Variants in LOXHD1 observed in about 807,000 individuals in gnomAD.
The protein encoded by LOXHD1 is lipoxygenase homology domain-containing protein 1.
LOXHD1 carries 205 observed loss-of-function variants against 248.2 expected under a neutral mutation model. The observed-to-expected ratio is 0.83, with a 90% confidence interval of 0.74 to 0.93. The LOEUF (loss-of-function observed/expected upper bound fraction) is 0.93, where lower values mean the gene tolerates loss of function less well. Among genes scored for constraint, LOXHD1 ranks in the 40% least tolerant of loss-of-function variants. The pLI is 0.00. For synonymous variants in LOXHD1, 1,113 were observed against 1,162.8 expected (o/e 0.96, Z 0.87); for missense variants, 2,930 against 2,971.6 (o/e 0.99, Z 0.33).
chr18:46,640,037 C>T (rs1025627651), intron 3 of LOXHD1, among the ~76,000 whole-genome samples: 1 of 152,150 alleles, frequency 6.6e-6, no homozygotes. Context: ...TTAACTATCG[C>T]CTTTCACAGA....
intron 4 of LOXHD1, among the ~76,000 whole-genome samples, chr18:46,628,752 G>A (rs1236742194): frequency 6.6e-6 from 1 of 152,222 alleles, no homozygotes; most frequent in Non-Finnish European, 1.5e-5. Context: ...CCACGCTATT[G>A]TGTCATTTAC....
chr18:46,509,526 C>T, intron 35 of LOXHD1, 172 bp downstream of exon 35: 2 of 672,202 alleles, frequency 3.0e-6, no homozygotes, highest in Non-Finnish European at 5.5e-6. Context: ...AATAAAACGA[C>T]ATTCTCTGAT....
chr18:46,496,655 T>C (rs1272210938), intron 37 of LOXHD1, among the ~76,000 whole-genome samples: 1 of 152,232 alleles, frequency 6.6e-6, no homozygotes, highest in Non-Finnish European at 1.5e-5. Context: ...ACACAAAACC[T>C]GGACTTCTGT....
At position 46,579,618 on chromosome 18, in the gene LOXHD1, G is replaced by A; in HGVS notation, c.1809+12C>T. 1 of 1,551,668 alleles carries A rather than the reference G, an allele frequency of 6.4e-7. No homozygotes were observed. The highest frequency in any genetic ancestry group is 8.7e-7 in the Non-Finnish European group (1 of 1,146,958). ...AGGAAGGGGATGAGTGGGGCACATT[G>A]CTGTAACTTACATTGCCCTTTTCAA... On this transcript the variant is annotated intron_variant, in intron 13 of 40. Transcript: ENST00000642948.
At chr18:46,579,912 T>G (rs1308053705) in intron 12 of LOXHD1, 128 bp from the exon 13 acceptor site, 2 of 1,118,420 alleles carry the variant, frequency 1.8e-6, no homozygotes, top group African/African-American at 3.1e-5. Context: ...ACCTTCCCCC[T>G]TCCTCCCAAC....
In LOXHD1 at chr18:46,521,324, C is replaced by G. The variant is rs1442026771; in HGVS notation, c.5086-42G>C. 7.7e-6 allele frequency: 12 copies of G among 1,549,776 alleles called. No homozygotes were observed. In the African/African-American group the frequency reaches 1.5e-4, roughly 19 times the overall value. The stretch of plus-strand genomic sequence containing the variant: ...CTGATCTGTGACGATCTGGGCACAA[C>G]TGGGAAGGAAGTGCTCCCTGCCCAG... On this transcript the variant is annotated intron_variant, in intron 32 of 40. Transcript: ENST00000642948.
chr18:46,567,799 C>T (rs188683205), intron 16 of LOXHD1, among the ~76,000 whole-genome samples: 8 of 152,294 alleles, frequency 5.3e-5, no homozygotes, highest in African/African-American at 1.9e-4. Flanking sequence ...TTACATATGG[C>T]AGGTAAGTGG....
At chr18:46,520,824 G>A (rs1598905737) in intron 33 of LOXHD1, 1 of 439,860 alleles carries the variant, frequency 2.3e-6, no homozygotes. Flanking sequence ...CAGGCCATGA[G>A]TAGCAGGGAT....
At chr18:46,646,083 A>ATG (rs1221385053) in intron 2 of LOXHD1, among the ~76,000 whole-genome samples, 1 of 152,180 alleles carries the variant, frequency 6.6e-6, no homozygotes, top group Non-Finnish European at 1.5e-5. Context: ...ACAAATATGC[A>ATG]TGTGTGTGTG....
At position 46,538,161 on chromosome 18, in the gene LOXHD1, C is replaced by A. The variant is rs144935513; in HGVS notation, c.4090G>T (p.Val1364Leu). The change falls in exon 26 of 41, where the codon GTA becomes TTA. Residue 1364 changes from valine to leucine, a missense_variant. Coordinates refer to ENST00000642948, the MANE Select transcript of LOXHD1 (RefSeq NM_001384474.1). ...AGCCTGCTGAGCCCAAGTACCTCTACGATGAAGCGGGAGGCAGACTTCCTC... is the reference window on the plus strand; with the variant it reads ...AGCCTGCTGAGCCCAAGTACCTCTAAGATGAAGCGGGAGGCAGACTTCCTC... The part of the protein sequence containing the change: ...FERKSASRFI[V>L]ELEDVGEIIE... 1.6e-5 allele frequency: 25 copies of A among 1,531,776 alleles called. No individual in the cohort carries two copies. The African/African-American group carries it at 3.0e-4, about 18-fold the overall frequency. 94.9% of individuals were successfully genotyped at this position (1,531,776 alleles called of 1,614,324 possible).
chr18:46,486,290 C>A (rs537519385), intron 38 of LOXHD1, among the ~76,000 whole-genome samples: 1 of 152,206 alleles, frequency 6.6e-6, no homozygotes, highest in East Asian at 1.9e-4. Context: ...TGTTTCTGTG[C>A]CTTTATCTCA....
intron 32 of LOXHD1, 150 bp from the exon 33 acceptor site, chr18:46,521,432 A>T (rs1320141379): frequency 3.5e-6 from 3 of 860,474 alleles, no homozygotes; most frequent in Non-Finnish European, 5.4e-6. Flanking sequence ...GATTTTGCAG[A>T]TATAATTACA....
At position 46,559,477 on chromosome 18, in the gene LOXHD1, C is replaced by T. The variant is rs1568184011; in HGVS notation, c.3187G>A (p.Asp1063Asn). Residue 1063 changes from aspartate (D) to asparagine (N), a missense_variant, in exon 20 of 41, where the codon GAC (aspartate) becomes AAC (asparagine). Asp to Asn is a conservative substitution (Grantham distance 23, BLOSUM62 1). Transcript: ENST00000642948. ...DTGERPLKKS[D>N]KSNKFEQGQT... is the part of the protein sequence containing the mutation. ...CCCTGCTCAAATTTGTTGGACTTGT[C>T]TGACTTCTTCAGGGGTCGTTCGCCC... 1 of 1,552,006 alleles carries T rather than the reference C, an allele frequency of 6.4e-7. No homozygotes were observed. The highest frequency in any genetic ancestry group is 1.4e-5 in the African/African-American group (1 of 73,040).
chr18:46,511,354 C>T (rs927363660), intron 34 of LOXHD1, among the ~76,000 whole-genome samples: 3 of 152,208 alleles, frequency 2.0e-5, no homozygotes, highest in Admixed American at 6.5e-5. Flanking sequence ...AGGCCTTCTG[C>T]CCCTGGTTCA....
At chr18:46,596,982 G>T (rs113848043) in intron 8 of LOXHD1, among the ~76,000 whole-genome samples, 8,214 of 152,276 alleles carry the variant, frequency 0.054, 276 homozygotes, top group Non-Finnish European at 0.08. Context: ...ATTGACACCA[G>T]AAATAAGGTC....
chr18:46,484,966 T>C, intron 39 of LOXHD1, 53 bp downstream of exon 39: 1 of 1,530,490 alleles, frequency 6.5e-7, no homozygotes. Flanking sequence ...ATTCTCGGGG[T>C]CCTCCCTTAC....
At chr18:46,560,051 C>CA in intron 19 of LOXHD1, 32 bp downstream of exon 19, 54 of 1,310,664 alleles carry the variant, frequency 4.1e-5, no homozygotes, top group Non-Finnish European at 5.0e-5. Flanking sequence ...TGGCCACTCC[C>CA]TCCCCACCCC....
chr18:46,592,975 A>G (rs1226120202), intron 10 of LOXHD1, among the ~76,000 whole-genome samples: 1 of 152,204 alleles, frequency 6.6e-6, no homozygotes, highest in Non-Finnish European at 1.5e-5. Context: ...AAAAAGATCA[A>G]CAAGCAGTCA....
At position 46,613,650 on chromosome 18, in the gene LOXHD1, C is replaced by T. The variant is rs563201674; in HGVS notation, c.611-2726G>A. On this transcript the variant is annotated intron_variant, in intron 5 of 40. Transcript: ENST00000642948. Reference sequence around the variant, plus strand: ...TTTGTTTCTGACTTTAAAAAGAGTGCTTTCAAGTTTTCAAAATTAAGCATG... The same window carrying T: ...TTTGTTTCTGACTTTAAAAAGAGTGTTTTCAAGTTTTCAAAATTAAGCATG... Among the ~76,000 whole-genome samples, 46 of 152,150 alleles carry T rather than the reference C, an allele frequency of 3.0e-4. No homozygotes were observed. In the South Asian group the frequency reaches 3.1e-3, roughly 10 times the overall value.
Sources: gnomAD v4.1 joint callset for allele counts (sites outside exome capture counted in the v4.1 genomes callset) on GRCh38, gnomAD v4.1.1 for gene constraint, MANE v1.5 for transcripts, NCBI Gene and HGNC (gene_info 2026-07-23, HGNC 2026-07-21) for gene names.